The following PCDH9 variants were observed in gnomAD, a reference collection of about 807,000 sequenced individuals.
PCDH9 encodes protocadherin-9.
A neutral mutation model predicts 70.6 loss-of-function variants in PCDH9; 24 were observed. The observed-to-expected ratio is 0.34, with a 90% confidence interval of 0.25 to 0.48. PCDH9 has a LOEUF of 0.48. Ranked by LOEUF, PCDH9 falls within the 20% of genes least tolerant of loss-of-function variation. The pLI, the probability that PCDH9 is intolerant of heterozygous loss-of-function variation, is 0.99. For synonymous variants in PCDH9, 562 were observed against 558.5 expected (o/e 1.01, Z -0.09); for missense variants, 1,281 against 1,503.6 (o/e 0.85, Z 2.45).
intron 4 of PCDH9, among the ~76,000 whole-genome samples, chr13:66,559,887 C>A (rs530916397): frequency 6.8e-6 from 1 of 146,674 alleles, no homozygotes; most frequent in East Asian, 2.0e-4. Context: ...AATGTACTAA[C>A]GTGATACAAG....
At chr13:66,874,921 G>GTGTGTA (rs1010255747) in intron 3 of PCDH9, among the ~76,000 whole-genome samples, 10 of 130,966 alleles carry the variant, frequency 7.6e-5, no homozygotes, top group African/African-American at 2.2e-4. Context: ...AGCAGTGTGT[G>GTGTGTA]TGTGTGTGTG....
chr13:66,408,676 C>T (rs1470570997), intron 4 of PCDH9, among the ~76,000 whole-genome samples: 1 of 151,996 alleles, frequency 6.6e-6, no homozygotes, highest in Non-Finnish European at 1.5e-5. Context: ...TCTCTTCTTC[C>T]TATCCCACAC....
At chr13:66,841,637 T>C (rs1459546511) in intron 3 of PCDH9, among the ~76,000 whole-genome samples, 1 of 152,300 alleles carries the variant, frequency 6.6e-6, no homozygotes. Flanking sequence ...CCATCCACTT[T>C]TGTTGGAGAT....
chr13:66,707,895 G>C (rs1186326357), intron 3 of PCDH9, among the ~76,000 whole-genome samples: 2 of 152,112 alleles, frequency 1.3e-5, no homozygotes, highest in Admixed American at 1.3e-4. Flanking sequence ...TCTTAGATAA[G>C]TATTTTGCTT....
chr13:66,618,929 T>A (rs2077390294), intron 4 of PCDH9, among the ~76,000 whole-genome samples: 1 of 152,218 alleles, frequency 6.6e-6, no homozygotes, highest in Non-Finnish European at 1.5e-5. Context: ...TAAATGTTAC[T>A]ATAGATTTTT....
At chr13:67,079,154 A>G (rs1223066773) in intron 2 of PCDH9, among the ~76,000 whole-genome samples, 3 of 152,018 alleles carry the variant, frequency 2.0e-5, no homozygotes, top group Non-Finnish European at 4.4e-5. Context: ...AATTACTATG[A>G]CCTGAAATAT....
chr13:66,905,383 A>C (rs536566815), intron 2 of PCDH9, among the ~76,000 whole-genome samples: 1 of 152,242 alleles, frequency 6.6e-6, no homozygotes, highest in African/African-American at 2.4e-5. Flanking sequence ...AGTGAGTCTC[A>C]CCCTGACTGT....
At chr13:66,608,518 C>T (rs1191082096) in intron 4 of PCDH9, among the ~76,000 whole-genome samples, 3 of 151,942 alleles carry the variant, frequency 2.0e-5, no homozygotes, top group Admixed American at 1.3e-4. Context: ...ACATTTTGTT[C>T]CAGATGCTTG....
chr13:67,169,831 T>A (rs1456241315), intron 2 of PCDH9, among the ~76,000 whole-genome samples: 1 of 152,198 alleles, frequency 6.6e-6, no homozygotes. Flanking sequence ...ATTTTTTGTC[T>A]AAATAGTTAA....
chr13:66,984,520 A>G (rs1177013685), intron 2 of PCDH9, among the ~76,000 whole-genome samples: 2 of 152,134 alleles, frequency 1.3e-5, no homozygotes, highest in African/African-American at 2.4e-5. Flanking sequence ...CAAATCACTG[A>G]AACCATCTGG....
chr13:66,415,597 C>T (rs528319953), intron 4 of PCDH9, among the ~76,000 whole-genome samples: 2 of 152,302 alleles, frequency 1.3e-5, no homozygotes, highest in East Asian at 1.9e-4. Flanking sequence ...CTTACATTCC[C>T]TTATCCTTCT....
At chr13:66,326,389 T>C (rs1955844557) in intron 4 of PCDH9, among the ~76,000 whole-genome samples, 1 of 147,610 alleles carries the variant, frequency 6.8e-6, no homozygotes, top group South Asian at 2.1e-4. Context: ...TGTGTTTTCT[T>C]CTTCTTCTAA....
intron 4 of PCDH9, among the ~76,000 whole-genome samples, chr13:66,378,332 C>G (rs1366775364): frequency 6.6e-6 from 1 of 152,084 alleles, no homozygotes; most frequent in Non-Finnish European, 1.5e-5. Flanking sequence ...CAGTTGTTAG[C>G]TCCTTAACTG....
chr13:66,654,193 T>A (rs1419805212), intron 3 of PCDH9, among the ~76,000 whole-genome samples: 1 of 152,090 alleles, frequency 6.6e-6, no homozygotes, highest in Non-Finnish European at 1.5e-5. Context: ...GTTATTATAT[T>A]AAGTGAAATA....
intron 3 of PCDH9, among the ~76,000 whole-genome samples, chr13:66,799,929 T>C (rs983898684): frequency 3.9e-5 from 6 of 152,118 alleles, no homozygotes; most frequent in South Asian, 2.1e-4. Flanking sequence ...CATACCATCT[T>C]GGCCCTGGTC....
intron 3 of PCDH9, among the ~76,000 whole-genome samples, chr13:66,874,792 A>G (rs2081767857): frequency 6.6e-6 from 1 of 152,142 alleles, no homozygotes; most frequent in Admixed American, 6.6e-5. Context: ...AGGCTTCTCT[A>G]AATATCAAAT....
At chr13:66,434,520 A>T (rs1291364289) in intron 4 of PCDH9, among the ~76,000 whole-genome samples, 1 of 152,030 alleles carries the variant, frequency 6.6e-6, no homozygotes, top group Non-Finnish European at 1.5e-5. Context: ...TCACTGCTGC[A>T]TCATTAGTAG....
chr13:67,011,397 C>T (rs1407869288), intron 2 of PCDH9, among the ~76,000 whole-genome samples: 1 of 151,802 alleles, frequency 6.6e-6, no homozygotes, highest in Non-Finnish European at 1.5e-5. Context: ...AAAATAATTA[C>T]CACTTTTCTA....
intron 4 of PCDH9, among the ~76,000 whole-genome samples, chr13:66,530,190 G>A (rs909897075): frequency 6.6e-6 from 1 of 151,966 alleles, no homozygotes; most frequent in Non-Finnish European, 1.5e-5. Context: ...ATGACCTAGG[G>A]TTCTGAAGGT....
Sources: gnomAD v4.1 joint callset for allele counts (sites outside exome capture counted in the v4.1 genomes callset) on GRCh38, gnomAD v4.1.1 for gene constraint, MANE v1.5 for transcripts, NCBI Gene and HGNC (gene_info 2026-07-23, HGNC 2026-07-21) for gene names.